The following EVPL variants were observed in gnomAD, a reference collection of about 807,000 sequenced individuals.
EVPL encodes the protein envoplakin, also known as 210 kDa cornified envelope precursor protein.
A neutral mutation model predicts 129.7 loss-of-function variants in EVPL; 94 were observed. That is an observed-to-expected ratio of 0.72 (90% confidence interval 0.61 to 0.86). The LOEUF is 0.86. Ranked by LOEUF, EVPL falls within the 40% of genes least tolerant of loss-of-function variation. EVPL has a pLI of 0.00. For missense variants in EVPL, 2,625 were observed against 2,721.1 expected (o/e 0.96, Z 0.79); for synonymous variants, 1,172 against 1,191.1 (o/e 0.98, Z 0.33).
Position 76,009,135 on chromosome 17 carries a change from T to C in EVPL, c.4070A>G (p.Lys1357Arg), listed in dbSNP as rs1262180936. ...CTTCCTCCTCTCCAGCAGCAGGCGCTTGCTCTGCAGCTCGTACACCGCGTC... is the reference window on the plus strand; with the variant it reads ...CTTCCTCCTCTCCAGCAGCAGGCGCCTGCTCTGCAGCTCGTACACCGCGTC... ...AEDAVYELQS[K>R]RLLLERRKPE... is the part of the protein sequence containing the mutation. The change falls in exon 22 of 22, where the codon AAG becomes AGG. Residue 1357 changes from lysine (K) to arginine (R), a missense_variant. Lys to Arg is a conservative substitution (Grantham distance 26). Transcript: ENST00000301607. This position sits in a 1 kb window ranked among gnomAD's most constrained non-coding sequence, Gnocchi z 5.9. 1.9e-6 allele frequency: 3 copies of C among 1,612,574 alleles called. No homozygotes were observed. The African/African-American group carries it at 4.0e-5, about 22-fold the overall frequency.
Position 76,009,167 on chromosome 17 carries a change from G to A in EVPL, c.4038C>T (p.Ala1346=), listed in dbSNP as rs773859553. Residue 1346 remains alanine, a synonymous_variant, in exon 22 of 22, where the codon GCC becomes GCT. Transcript: ENST00000301607. The surrounding 1 kb of genome is among the most constrained non-coding windows in gnomAD (Gnocchi z 5.9). ...EVREAAQKRR[A]AEDAVYELQS... ...GCAGCTCGTACACCGCGTCCTCCGCGGCCCGCCTCTTCTGGGCCGCCTCCC... is the reference window on the plus strand; with the variant it reads ...GCAGCTCGTACACCGCGTCCTCCGCAGCCCGCCTCTTCTGGGCCGCCTCCC... 5.6e-6 allele frequency: 9 copies of A among 1,607,584 alleles called. No homozygotes were observed. The highest frequency in any genetic ancestry group is 1.3e-5 in the African/African-American group (1 of 74,866).
chr17:76,011,909 C>T (rs370729940), intron 19 of EVPL, 27 bp from the exon 20 acceptor site: 2 of 1,610,358 alleles, frequency 1.2e-6, no homozygotes, highest in South Asian at 1.1e-5. Flanking sequence ...GGACAGCAGG[C>T]TGGCAACCAG....
At chr17:76,018,100 G>A (rs768720670) in intron 13 of EVPL, 61 bp downstream of exon 13, 27 of 1,546,784 alleles carry the variant, frequency 1.7e-5, no homozygotes, top group Admixed American at 1.6e-4. Flanking sequence ...CAGACCAGTC[G>A]GAAGTCGGAA....
chr17:76,012,035 G>T lies in EVPL; in HGVS notation c.2428C>A (p.Leu810Ile), dbSNP rs759660488. 3.7e-6 allele frequency: 6 copies of T among 1,612,794 alleles called. No homozygotes were observed. The Admixed American group carries it at 1.0e-4, about 27-fold the overall frequency. ...RERDRATASH[L>I]SQALQAALQD... ...AGCGCTGCCTGCAGGGCCTGGGAGAGGTGGGATGCTGTGGCCCTGTCCCGC... is the reference window on the plus strand; with the variant it reads ...AGCGCTGCCTGCAGGGCCTGGGAGATGTGGGATGCTGTGGCCCTGTCCCGC... The change falls in exon 19 of 22, where the codon CTC (leucine) becomes ATC (isoleucine). Residue 810 changes from leucine (L) to isoleucine (I), a missense_variant. Physicochemically the swap from Leu to Ile is conservative, Grantham distance 5 (BLOSUM62 2). This residue lies in a region of EVPL where 1,024 missense variants were observed against 997.5 expected (regional missense o/e 1.03). Transcript: ENST00000301607.
chr17:76,007,778 G>C lies in EVPL; in HGVS notation c.5427C>G (p.Thr1809=). The C allele has an allele frequency of 1.9e-6, 3 of 1,612,212 alleles. No individual in the cohort carries two copies. The highest frequency in any genetic ancestry group is 2.5e-6 in the Non-Finnish European group (3 of 1,178,598). ...GAGAGAAGCTGGGAGAGAAGAAACT[G>C]GTGCTCTGGGGGGCCGGGGAGGCGA... ...SPLASPAPQS[T]SFFSPSFSLG... is the part of the protein sequence containing the mutation. Residue 1809 remains threonine (T), a synonymous_variant, in exon 22 of 22, where the codon ACC becomes ACG. Coordinates refer to ENST00000301607, the MANE Select transcript of EVPL (RefSeq NM_001988.4). This position sits in a 1 kb window ranked among gnomAD's most constrained non-coding sequence, Gnocchi z 8.8.
chr17:76,007,869 A>G lies in EVPL; in HGVS notation c.5336T>C (p.Leu1779Pro). The G allele has an allele frequency of 6.2e-7, 1 of 1,613,688 alleles. No homozygotes were observed. Among genetic ancestry groups the G allele is most frequent in the African/African-American group, 1.3e-5 (1 of 75,036 alleles). Residue 1779 changes from leucine (L) to proline (P), a missense_variant, in exon 22 of 22, where the codon CTT becomes CCT. Leu to Pro is a moderately conservative substitution (Grantham distance 98, BLOSUM62 -3). Coordinates refer to ENST00000301607, the MANE Select transcript of EVPL (RefSeq NM_001988.4). The surrounding 1 kb of genome is among the most constrained non-coding windows in gnomAD (Gnocchi z 8.8). ...GCTTGGCTTGGTCTCCCCAGCTACA[A>G]GCAGCGCAAACTCGGAGATGGGCAG... ...GHLPISEFALLVAGETKPSSS... is the reference protein window; with the variant it reads ...GHLPISEFALPVAGETKPSSS...
intron 1 of EVPL, among the ~76,000 whole-genome samples, chr17:76,025,424 A>T (rs1227982495): frequency 3.3e-5 from 5 of 152,036 alleles, no homozygotes; most frequent in Non-Finnish European, 7.4e-5. Context: ...GTGAGGGGAG[A>T]GCCAACAGGG....
At position 76,007,357 on chromosome 17, in the gene EVPL, T is replaced by A. The variant is rs2066325969; in HGVS notation, c.5848A>T (p.Thr1950Ser). The change falls in exon 22 of 22, where the codon ACA becomes TCA. Residue 1950 changes from threonine (T) to serine (S), a missense_variant. Thr to Ser is a moderately conservative substitution (Grantham distance 58, BLOSUM62 1). Coordinates refer to ENST00000301607, the MANE Select transcript of EVPL (RefSeq NM_001988.4). This position sits in a 1 kb window ranked among gnomAD's most constrained non-coding sequence, Gnocchi z 8.8. The stretch of plus-strand genomic sequence containing the variant: ...GCCTGCTGGATGGGGATGCGGCCTG[T>A]CCTCTTGGGGTCGATGAGCCCCCCG... ...LTGGLIDPKR[T>S]GRIPIQQALL... 1.3e-6 allele frequency: 2 copies of A among 1,589,516 alleles called. No homozygotes were observed. The highest frequency in any genetic ancestry group is 3.4e-5 in the Admixed American group (2 of 58,592).
chr17:76,015,015 T>G lies in EVPL; in HGVS notation c.2123A>C (p.Asn708Thr). 2 of 1,596,088 alleles carry G rather than the reference T, an allele frequency of 1.3e-6. No individual in the cohort carries two copies. Among genetic ancestry groups the G allele is most frequent in the South Asian group, 1.1e-5 (1 of 90,942 alleles). Residue 708 changes from asparagine (N) to threonine (T), a missense_variant, in exon 17 of 22, where the codon AAC becomes ACC. Coordinates refer to ENST00000301607, the MANE Select transcript of EVPL (RefSeq NM_001988.4). Reference protein sequence around the residue: ...ASEHACAALQNNFQEFCQDLP... With the variant: ...ASEHACAALQTNFQEFCQDLP... ...GTCTTGGCAGAACTCCTGGAAGTTG[T>G]TCTGCAGGGCAGCGCATGCGTGCTC...
chr17:76,008,219 G>A lies in EVPL; in HGVS notation c.4986C>T (p.Leu1662=). The change falls in exon 22 of 22, where the codon CTC becomes CTT. Residue 1662 remains leucine (L), a synonymous_variant. Coordinates refer to ENST00000301607, the MANE Select transcript of EVPL (RefSeq NM_001988.4). This position sits in a 1 kb window ranked among gnomAD's most constrained non-coding sequence, Gnocchi z 7.4. ...GCTCCTCCCGGCTCACCTTGGCGTG[G>A]AGGTCCCGGAGCGTCCGCTCCTTCT... ...IYEKERTLRD[L]HAKVSREELS... The A allele has an allele frequency of 6.2e-7, 1 of 1,614,046 alleles. No individual in the cohort carries two copies. Among genetic ancestry groups the A allele is most frequent in the Non-Finnish European group, 8.5e-7 (1 of 1,180,028 alleles).
Position 76,014,443 on chromosome 17 carries a change from T to C in EVPL, c.2356A>G (p.Lys786Glu), listed in dbSNP as rs1162678461. The change falls in exon 18 of 22, where the codon AAG becomes GAG. Residue 786 changes from lysine (K) to glutamate (E), a missense_variant. Physicochemically the swap from Lys to Glu is moderately conservative, Grantham distance 56. This residue lies in a region of EVPL where 1,024 missense variants were observed against 997.5 expected (regional missense o/e 1.03). Transcript: ENST00000301607. The part of the protein sequence containing the change: ...PSDGPSQIAY[K>E]LQAQKRLTQE... ...AGCCTCACCTTCTGCGCCTGCAGCT[T>C]GTAGGCGATCTGGCTGGGGCCGTCG... is the stretch of plus-strand genomic sequence containing the variant. 2 of 1,610,264 alleles carry C rather than the reference T, an allele frequency of 1.2e-6. No individual in the cohort carries two copies. The highest frequency in any genetic ancestry group is 1.3e-5 in the African/African-American group (1 of 74,942).
Position 76,024,047 on chromosome 17 carries a change from G to A in EVPL, c.172C>T (p.Leu58=). The change falls in exon 2 of 22, where the codon CTG becomes TTG. Residue 58 remains leucine (L), a synonymous_variant. Transcript: ENST00000301607. This position sits in a 1 kb window ranked among gnomAD's most constrained non-coding sequence, Gnocchi z 4.5. ...TGCTGCAGCCTCTTCTGCGTCTCCA[G>A]GATGTCCCGCTCCACCTGGTCGGCG... ...ANADQVERDI[L]ETQKRLQQDR... 1.2e-6 allele frequency: 2 copies of A among 1,613,842 alleles called. No homozygotes were observed. The highest frequency in any genetic ancestry group is 1.7e-6 in the Non-Finnish European group (2 of 1,179,928).
chr17:76,013,953 T>C lies in EVPL; in HGVS notation c.2373+473A>G, dbSNP rs1430859365. Among the ~76,000 whole-genome samples, 1 of 152,040 alleles carries C rather than the reference T, an allele frequency of 6.6e-6. No homozygotes were observed. The highest frequency in any genetic ancestry group is 2.4e-5 in the African/African-American group (1 of 41,414). ...TCCCCCTCCTTTCCCCTGACTGCCA[T>C]GCCTTCTGCATGGGACATTTCATCC... On this transcript the variant is annotated intron_variant, in intron 18 of 21. Coordinates refer to ENST00000301607, the MANE Select transcript of EVPL (RefSeq NM_001988.4). The surrounding 1 kb of genome is among the most constrained non-coding windows in gnomAD (Gnocchi z 4.3).
Position 76,008,533 on chromosome 17 carries a change from G to A in EVPL, c.4672C>T (p.Arg1558Trp), listed in dbSNP as rs897387869. Residue 1558 changes from arginine (R) to tryptophan (W), a missense_variant, in exon 22 of 22, where the codon CGG (arginine) becomes TGG (tryptophan). Arg to Trp is a moderately radical substitution (Grantham distance 101). This residue lies in a region of EVPL where 1,453 missense variants were observed against 1,511.8 expected (regional missense o/e 0.96). Coordinates refer to ENST00000301607, the MANE Select transcript of EVPL (RefSeq NM_001988.4). The surrounding 1 kb of genome is among the most constrained non-coding windows in gnomAD (Gnocchi z 7.4). ...TARQAREEEA[R>W]RLRERIDRAE... ...CGGTCAATGCGCTCCCGCAGGCGCC[G>A]TGCCTCCTCCTCCCGGGCCTGCCGG... is the stretch of plus-strand genomic sequence containing the variant. The A allele has an allele frequency of 5.6e-6, 9 of 1,607,246 alleles. No individual in the cohort carries two copies. Among genetic ancestry groups the A allele is most frequent in the East Asian group, 2.2e-5 (1 of 44,852 alleles).
rs530616176 is a variant in EVPL, at chr17:76,009,296, G to A, written c.3909C>T (p.Arg1303=). The part of the protein sequence containing the change: ...RLQGERDEWR[R]ERAKVETKTV... ...TCTTGGTCTCCACCTTGGCCCGCTC[G>A]CGCCTCCACTCGTCGCGCTCACCCT... Residue 1303 remains arginine, a synonymous_variant, in exon 22 of 22, where the codon CGC becomes CGT. Transcript: ENST00000301607. This position sits in a 1 kb window ranked among gnomAD's most constrained non-coding sequence, Gnocchi z 5.9. The A allele has an allele frequency of 6.0e-5, 97 of 1,608,642 alleles. No homozygotes were observed. In the South Asian group the frequency reaches 9.0e-4, roughly 15 times the overall value.
intron 2 of EVPL, 88 bp downstream of exon 2, chr17:76,023,933 G>A: frequency 6.8e-7 from 1 of 1,465,962 alleles, no homozygotes; most frequent in Non-Finnish European, 9.3e-7. Flanking sequence ...CCATCACCAA[G>A]GGGCACTCAG....
chr17:76,012,277 C>T (rs1249299981), intron 18 of EVPL, 188 bp from the exon 19 acceptor site: 6 of 552,794 alleles, frequency 1.1e-5, no homozygotes, highest in Non-Finnish European at 1.9e-5. Flanking sequence ...CCTCCTTCCT[C>T]TCCGAGGCAC....
At chr17:76,021,377 G>T in intron 9 of EVPL, 91 bp downstream of exon 9, 2 of 1,227,548 alleles carry the variant, frequency 1.6e-6, no homozygotes, top group Non-Finnish European at 2.3e-6. Context: ...GTTGGGAGGT[G>T]CAGTGCCTCT....
intron 17 of EVPL, 96 bp downstream of exon 17, chr17:76,014,820 C>G (rs1008560718): frequency 1.0e-5 from 13 of 1,306,078 alleles, no homozygotes; most frequent in Admixed American, 5.1e-5. Context: ...GCTTCAGAGA[C>G]GTGAAGTCAC....
Sources: allele counts gnomAD v4.1 joint callset (sites outside exome capture counted in the v4.1 genomes callset), GRCh38; gene constraint gnomAD v4.1.1; regional missense constraint gnomAD v4.1.1; non-coding constraint Gnocchi (gnomAD v3.1); transcripts MANE v1.5; gene names NCBI Gene and HGNC (gene_info 2026-07-23, HGNC 2026-07-21).